Variants in POTEC observed in about 807,000 individuals in gnomAD.
POTEC encodes the protein ANKRD26-like family B member 2.
POTEC carries 35 observed loss-of-function variants against 62.0 expected under a neutral mutation model. The ratio of observed to expected loss-of-function variants is 0.56; its 90% CI spans 0.43 to 0.75. The LOEUF is 0.75. POTEC is among the 30% of genes least tolerant of loss of function. POTEC has a pLI of 0.00. For synonymous variants in POTEC, 156 were observed against 221.5 expected, an observed-to-expected ratio of 0.70 and a Z score of 2.62; for missense variants, 472 against 655.9, an observed-to-expected ratio of 0.72 and a Z score of 3.06.
At chr18:14,515,024 A>C (rs1910110045) in intron 9 of POTEC, among the ~76,000 whole-genome samples, 1 of 152,208 alleles carries the variant, frequency 6.6e-6, no homozygotes, top group Non-Finnish European at 1.5e-5. Flanking sequence ...TCAAAGGATA[A>C]CTGGAAAACA....
rs1293403497 is a variant in POTEC, at chr18:14,511,034, G to A, written c.*864C>T. On this transcript the variant is annotated 3_prime_UTR_variant, in exon 11 of 11. Transcript: ENST00000358970. ...CTGGCTTAAACAAGAATCTGGCCACGTTTTCGCAGGGTGGCTGTTCTGTGC... is the reference window on the plus strand; with the variant it reads ...CTGGCTTAAACAAGAATCTGGCCACATTTTCGCAGGGTGGCTGTTCTGTGC... 8 of 152,070 alleles carry A rather than the reference G, an allele frequency of 5.3e-5. No individual in the cohort carries two copies. The highest frequency in any genetic ancestry group is 6.5e-5 in the Admixed American group (1 of 15,270). 9.4% of individuals were successfully genotyped at this position (152,070 alleles called of 1,614,324 possible).
chr18:14,527,305 C>G (rs577301871), intron 6 of POTEC, among the ~76,000 whole-genome samples: 2 of 151,890 alleles, frequency 1.3e-5, no homozygotes, highest in Non-Finnish European at 2.9e-5. Context: ...AGAAAAATGC[C>G]CTGCTAAAGG....
Position 14,507,444 on chromosome 18 carries a change from T to C in POTEC, c.*4454A>G, listed in dbSNP as rs1909874365. On this transcript the variant is annotated 3_prime_UTR_variant, in exon 11 of 11. Coordinates refer to ENST00000358970, the MANE Select transcript of POTEC (RefSeq NM_001137671.2). ...CATTTCCTTGAAATATTTTTCTCCA[T>C]TCCTTTATTTTGAGCCTATGTATGG... 1 of 151,914 alleles carries C rather than the reference T, an allele frequency of 6.6e-6. No individual in the cohort carries two copies. Among genetic ancestry groups the C allele is most frequent in the South Asian group, 2.1e-4 (1 of 4,806 alleles). 9.4% of individuals were successfully genotyped at this position (151,914 alleles called of 1,614,324 possible).
chr18:14,524,902 A>T lies in POTEC; in HGVS notation c.1197+11T>A, dbSNP rs535040407. The stretch of plus-strand genomic sequence containing the variant: ...ATTAAATCAAAAATTTAAATTTAAA[A>T]TTTTCCATGCCTCTGGCTGGCTATT... On this transcript the variant is annotated intron_variant, in intron 7 of 10. Transcript: ENST00000358970. The T allele has an allele frequency of 7.4e-4, 1,180 of 1,605,038 alleles. 8 individuals are homozygous for T. The African/African-American group carries it at 0.014, about 19-fold the overall frequency.
chr18:14,513,819 A>G (rs1249341648), intron 9 of POTEC, 34 bp from the exon 10 acceptor site: 2 of 1,603,990 alleles, frequency 1.2e-6, no homozygotes, highest in South Asian at 2.2e-5. Context: ...GAAATACTGG[A>G]GGTGTCCCTA....
At chr18:14,513,544 C>A in intron 10 of POTEC, 118 bp downstream of exon 10, 1 of 1,463,766 alleles carries the variant, frequency 6.8e-7, no homozygotes, top group Non-Finnish European at 9.1e-7. Flanking sequence ...TATACACACA[C>A]ACACACACAC....
At chr18:14,527,123 T>C (rs1327632122) in intron 6 of POTEC, among the ~76,000 whole-genome samples, 3 of 152,148 alleles carry the variant, frequency 2.0e-5, no homozygotes, top group Admixed American at 2.0e-4. Context: ...CACACTGTGT[T>C]TGAGTCAGCA....
chr18:14,524,877 A>T (rs1374083734), intron 7 of POTEC, 36 bp downstream of exon 7: 1 of 1,598,724 alleles, frequency 6.3e-7, no homozygotes, highest in Non-Finnish European at 8.5e-7. Flanking sequence ...AGAAAACAAC[A>T]TTAAATCAAA....
rs759845423 is a variant in POTEC, at chr18:14,530,540, G to A, written c.1069C>T (p.Leu357Phe). 6.9e-6 allele frequency: 11 copies of A among 1,588,916 alleles called. No individual in the cohort carries two copies. Among genetic ancestry groups the A allele is most frequent in the Non-Finnish European group, 9.4e-6 (11 of 1,166,504 alleles). The part of the protein sequence containing the change: ...SSHHHVICEL[L>F]SDYKEKQMLK... ...ATCTGTTTTTCTTTATAGTCAGAAA[G>A]TAATTCACAAATTCTATGTATAAAA... Residue 357 changes from leucine to phenylalanine, a missense_variant, in exon 6 of 11, where the codon CTT (leucine) becomes TTT (phenylalanine). By Grantham distance (22) the Leu-to-Phe change is conservative (BLOSUM62 0). Around this residue, in one of 5 missense-constraint regions of POTEC, gnomAD observed 83 missense variants for 254.3 expected, o/e 0.33. Transcript: ENST00000358970.
intron 7 of POTEC, among the ~76,000 whole-genome samples, chr18:14,523,825 A>G (rs1171607381): frequency 2.0e-5 from 3 of 152,150 alleles, no homozygotes; most frequent in Admixed American, 6.6e-5. Context: ...TGTTTGGACT[A>G]AACTTAATTT....
At chr18:14,528,852 A>G (rs1269589961) in intron 6 of POTEC, 6 of 432,152 alleles carry the variant, frequency 1.4e-5, no homozygotes, top group Non-Finnish European at 2.3e-5. Context: ...CTTATTCCCA[A>G]CCTCTGGTGT....
At chr18:14,538,329 G>A in intron 1 of POTEC, 80 bp from the exon 2 acceptor site, 1 of 996,920 alleles carries the variant, frequency 1.0e-6, no homozygotes, top group South Asian at 1.6e-5. Context: ...TGCAAACACT[G>A]AATAGCCTAT....
chr18:14,533,874 TC>T (rs1449192616), intron 4 of POTEC, among the ~76,000 whole-genome samples: 2 of 144,712 alleles, frequency 1.4e-5, no homozygotes, highest in Non-Finnish European at 1.5e-5. Flanking sequence ...CTTTTCTCTC[TC>T]TTTTTTTTTT....
At chr18:14,530,375 C>G in intron 6 of POTEC, 108 bp downstream of exon 6, 2 of 1,536,902 alleles carry the variant, frequency 1.3e-6, no homozygotes, top group South Asian at 2.3e-5. Flanking sequence ...TGAAACCATC[C>G]CCACCTTCCC....
intron 9 of POTEC, among the ~76,000 whole-genome samples, chr18:14,516,736 T>G (rs1242744477): frequency 1.3e-5 from 2 of 151,482 alleles, no homozygotes; most frequent in African/African-American, 4.9e-5. Context: ...CAATTTTTAT[T>G]AGTAATGATT....
intron 1 of POTEC, 101 bp downstream of exon 1, chr18:14,542,525 T>G (rs1905971849): frequency 9.6e-6 from 15 of 1,561,404 alleles, no homozygotes; most frequent in Non-Finnish European, 1.2e-5. Flanking sequence ...GTGTGGGGCC[T>G]GCGGAGGAAG....
In POTEC at chr18:14,543,427, T is replaced by G; in HGVS notation, c.-281A>C. 1 of 580,828 alleles carries G rather than the reference T, an allele frequency of 1.7e-6. No homozygotes were observed. Among genetic ancestry groups the G allele is most frequent in the Non-Finnish European group, 3.1e-6 (1 of 326,092 alleles). 36.0% of individuals were successfully genotyped at this position (580,828 alleles called of 1,614,324 possible). On this transcript the variant is annotated 5_prime_UTR_variant, in exon 1 of 11. Transcript: ENST00000358970. ...GAAACACCCAGCCCAGTCAAGGGAATGCCAAACCCAGCAGAGAAAAAGTCA... is the reference window on the plus strand; with the variant it reads ...GAAACACCCAGCCCAGTCAAGGGAAGGCCAAACCCAGCAGAGAAAAAGTCA...
intron 9 of POTEC, among the ~76,000 whole-genome samples, chr18:14,514,353 G>A (rs1266180305): frequency 6.6e-6 from 1 of 151,860 alleles, no homozygotes; most frequent in East Asian, 1.9e-4. Flanking sequence ...AACAGATGAA[G>A]CTTCACTTGC....
rs1910358490 is a variant in POTEC at position 14,523,465 on chromosome 18, C to T, written c.1240G>A (p.Glu414Lys). 4.5e-6 allele frequency: 7 copies of T among 1,573,020 alleles called. No individual in the cohort carries two copies. The South Asian group carries it at 5.8e-5, about 13-fold the overall frequency. Residue 414 changes from glutamate (E) to lysine (K), a missense_variant and splice_region_variant, in exon 8 of 11, where the codon GAG becomes AAG. Around this residue, in one of 5 missense-constraint regions of POTEC, gnomAD observed 83 missense variants for 254.3 expected, o/e 0.33. Transcript: ENST00000358970. ...EPEINKDCDR[E>K]VEEEIKKHGS... Reference sequence around the variant, plus strand: ...AACATTTGAACATAAAGGTATACCTCTCTATCACAGTCCTTATTTATTTCT... The same window carrying T: ...AACATTTGAACATAAAGGTATACCTTTCTATCACAGTCCTTATTTATTTCT...
Sources: allele counts gnomAD v4.1 joint callset (sites outside exome capture counted in the v4.1 genomes callset), GRCh38; gene constraint gnomAD v4.1.1; regional missense constraint gnomAD v4.1.1; transcripts MANE v1.5; gene names NCBI Gene and HGNC (gene_info 2026-07-23, HGNC 2026-07-21).